KATNAL2: variants seen among roughly 807,000 people sequenced by gnomAD.
KATNAL2 encodes katanin p60 ATPase-containing subunit A-like 2.
In KATNAL2, 52 loss-of-function variants were observed where a neutral mutation model predicts 76.3. That is an observed-to-expected ratio of 0.68 (90% CI 0.55 to 0.86). The LOEUF (loss-of-function observed/expected upper bound fraction) is 0.86, where lower values mean the gene tolerates loss of function less well. Ranked by LOEUF, KATNAL2 falls within the 40% of genes least tolerant of loss-of-function variation. The pLI is 0.00. For synonymous variants in KATNAL2, 243 were observed against 244.2 expected (o/e 1.00, Z 0.05); for missense variants, 660 against 668.9 (o/e 0.99, Z 0.15).
At chr18:46,931,901 T>C (rs2058935039) in intron 1 of KATNAL2, among the ~76,000 whole-genome samples, 1 of 152,018 alleles carries the variant, frequency 6.6e-6, no homozygotes, top group Admixed American at 6.6e-5. Flanking sequence ...TCTTTTTTTT[T>C]CTTGTTTTCT....
intron 3 of KATNAL2, among the ~76,000 whole-genome samples, chr18:46,955,026 C>G (rs922553534): frequency 6.6e-6 from 1 of 152,024 alleles, no homozygotes; most frequent in East Asian, 1.9e-4. Flanking sequence ...TTTTGGCTTT[C>G]TTTGCTTTAA....
chr18:46,937,465 A>T (rs759816712), intron 1 of KATNAL2, among the ~76,000 whole-genome samples: 1 of 152,170 alleles, frequency 6.6e-6, no homozygotes, highest in Non-Finnish European at 1.5e-5. Context: ...ATCCTGAAAC[A>T]GAAAAGAACA....
chr18:47,068,559 A>G (rs981831477), intron 11 of KATNAL2, among the ~76,000 whole-genome samples: 2 of 152,210 alleles, frequency 1.3e-5, no homozygotes, highest in Non-Finnish European at 2.9e-5. Context: ...GAGATTTGAC[A>G]TCAGGATTAG....
intron 6 of KATNAL2, among the ~76,000 whole-genome samples, chr18:47,057,391 A>T (rs2061502397): frequency 6.6e-6 from 1 of 152,218 alleles, no homozygotes; most frequent in African/African-American, 2.4e-5. Flanking sequence ...TGAATTTTAT[A>T]TCTAATTATG....
chr18:47,080,851 A>G (rs923210373), intron 15 of KATNAL2, among the ~76,000 whole-genome samples: 2 of 152,146 alleles, frequency 1.3e-5, no homozygotes, highest in African/African-American at 4.8e-5. Flanking sequence ...ATGTCTTTTC[A>G]AATCCTTTGT....
chr18:46,925,447 G>A (rs2058699381), intron 1 of KATNAL2, among the ~76,000 whole-genome samples: 1 of 152,240 alleles, frequency 6.6e-6, no homozygotes, highest in East Asian at 1.9e-4. Context: ...TGATCATGGT[G>A]GATAAGCTTT....
Position 47,058,215 on chromosome 18 carries a change from G to T in KATNAL2, c.333-20G>T. The T allele has an allele frequency of 6.7e-7, 1 of 1,496,910 alleles. No individual in the cohort carries two copies. Among genetic ancestry groups the T allele is most frequent in the Non-Finnish European group, 9.3e-7 (1 of 1,073,746 alleles). 92.7% of individuals were successfully genotyped at this position (1,496,910 alleles called of 1,614,324 possible). A position where few individuals can be genotyped will look rare whatever the true frequency, so the allele number is the denominator to read the frequency against. On this transcript the variant is annotated intron_variant, in intron 6 of 17. Transcript: ENST00000683218. Reference sequence around the variant, plus strand: ...AGTGGCTAGAATAATTTCTTCCAAGGTCTTTGTTCCCTCCCTTAGGATGAT... The same window carrying T: ...AGTGGCTAGAATAATTTCTTCCAAGTTCTTTGTTCCCTCCCTTAGGATGAT...
At chr18:46,919,347 G>T (rs568395964) in intron 1 of KATNAL2, among the ~76,000 whole-genome samples, 3 of 152,138 alleles carry the variant, frequency 2.0e-5, no homozygotes, top group Non-Finnish European at 4.4e-5. Flanking sequence ...TTAGCCAGGC[G>T]TGGTGGCGCA....
At chr18:47,081,986 T>C (rs1325595562) in intron 15 of KATNAL2, among the ~76,000 whole-genome samples, 1 of 152,242 alleles carries the variant, frequency 6.6e-6, no homozygotes, top group East Asian at 1.9e-4. Flanking sequence ...TGATTTTATA[T>C]TGGTATCTTT....
At chr18:46,938,243 A>G (rs1384156041) in intron 1 of KATNAL2, among the ~76,000 whole-genome samples, 1 of 152,200 alleles carries the variant, frequency 6.6e-6, no homozygotes, top group Non-Finnish European at 1.5e-5. Context: ...TTTTTCAAAA[A>G]ACATAAATGC....
chr18:47,078,276 G>C (rs2062336203), intron 15 of KATNAL2, among the ~76,000 whole-genome samples: 2 of 152,002 alleles, frequency 1.3e-5, no homozygotes, highest in Non-Finnish European at 2.9e-5. Flanking sequence ...GATGAAAAGA[G>C]AAACTCTTCT....
At chr18:47,048,929 G>C (rs1315486011) in intron 4 of KATNAL2, among the ~76,000 whole-genome samples, 3 of 147,044 alleles carry the variant, frequency 2.0e-5, no homozygotes, top group Non-Finnish European at 4.4e-5. Context: ...CCGCCTCCTG[G>C]GTTCAGGCCA....
intron 1 of KATNAL2, among the ~76,000 whole-genome samples, chr18:46,923,571 A>G (rs574832009): frequency 0.011 from 1,683 of 152,192 alleles, 17 homozygotes; most frequent in Non-Finnish European, 0.017. Flanking sequence ...ATGATTTATA[A>G]TCCTTTGGGT....
At chr18:47,039,257 C>T (rs2060881194) in intron 3 of KATNAL2, among the ~76,000 whole-genome samples, 1 of 152,160 alleles carries the variant, frequency 6.6e-6, no homozygotes, top group Non-Finnish European at 1.5e-5. Flanking sequence ...CCTTACAACT[C>T]ACCATTTAAA....
chr18:46,943,107 C>T (rs1034392233), intron 1 of KATNAL2, among the ~76,000 whole-genome samples: 20 of 152,156 alleles, frequency 1.3e-4, no homozygotes, highest in South Asian at 2.1e-4. Flanking sequence ...TGCAGCACTC[C>T]GGAAGTTGTT....
At chr18:47,025,570 G>A in intron 3 of KATNAL2, among the ~76,000 whole-genome samples, 1 of 148,620 alleles carries the variant, frequency 6.7e-6, no homozygotes, top group East Asian at 2.2e-4. Flanking sequence ...AAAGATAATC[G>A]TTATAGCCTG....
At chr18:46,918,679 C>T (rs1018011103) in intron 1 of KATNAL2, among the ~76,000 whole-genome samples, 1 of 152,180 alleles carries the variant, frequency 6.6e-6, no homozygotes. Context: ...GCCTCGGCCT[C>T]CCAAAGTACT....
chr18:47,101,385 G>T lies in KATNAL2; in HGVS notation c.*380G>T. ...CACACACAGGATGACCCTGAGTTGGGGCAGCCAAGTAGAAGCTAAGCTTGA... is the reference window on the plus strand; with the variant it reads ...CACACACAGGATGACCCTGAGTTGGTGCAGCCAAGTAGAAGCTAAGCTTGA... On this transcript the variant is annotated 3_prime_UTR_variant, in exon 18 of 18. Transcript: ENST00000683218. 5.0e-6 allele frequency: 1 copy of T among 200,782 alleles called. No individual in the cohort carries two copies. The highest frequency in any genetic ancestry group is 9.0e-5 in the South Asian group (1 of 11,082). The allele number at this position is 200,782 out of a possible 1,614,324, so 12.4% of individuals were successfully genotyped here. A position where few individuals can be genotyped will look rare whatever the true frequency, so the allele number is the denominator to read the frequency against.
At chr18:47,086,531 G>T (rs1400795273) in intron 15 of KATNAL2, among the ~76,000 whole-genome samples, 1 of 152,166 alleles carries the variant, frequency 6.6e-6, no homozygotes, top group Non-Finnish European at 1.5e-5. Flanking sequence ...TGGCCAGGCT[G>T]GTCTTGAACT....
Sources: allele counts gnomAD v4.1 joint callset (sites outside exome capture counted in the v4.1 genomes callset), GRCh38; gene constraint gnomAD v4.1.1; transcripts MANE v1.5; gene names NCBI Gene and HGNC (gene_info 2026-07-23, HGNC 2026-07-21).